Variants in STPG2 observed in about 807,000 individuals in gnomAD.
The protein encoded by STPG2 is sperm-tail PG-rich repeat-containing protein 2.
STPG2 carries 56 observed loss-of-function variants against 54.2 expected under a neutral mutation model. The ratio of observed to expected loss-of-function variants is 1.03; its 90% CI spans 0.83 to 1.29. STPG2 has a LOEUF of 1.29. Ranked by LOEUF, STPG2 falls within the 50% of genes most tolerant of loss-of-function variation. The probability of loss-of-function intolerance (pLI) is 0.00; values close to 1 mark genes in which losing one functional copy is unlikely to be tolerated. For missense variants in STPG2, 596 were observed against 544.9 expected (o/e 1.09, Z -0.93); for synonymous variants, 200 against 181.8 (o/e 1.10, Z -0.81).
intron 4 of STPG2, among the ~76,000 whole-genome samples, chr4:97,512,443 G>A (rs1730992296): frequency 6.6e-6 from 1 of 152,122 alleles, no homozygotes; most frequent in Non-Finnish European, 1.5e-5. Context: ...GAATGCATAT[G>A]TAGCTTGGAA....
intron 9 of STPG2, among the ~76,000 whole-genome samples, chr4:97,825,068 T>C (rs1431784847): frequency 1.3e-5 from 2 of 152,088 alleles, no homozygotes; most frequent in Non-Finnish European, 2.9e-5. Context: ...AAAAGTCAGC[T>C]TAATTGAAAG....
chr4:97,580,793 T>C lies in STPG2; in HGVS notation c.1321-21676A>G, dbSNP rs183159299. On this transcript the variant is annotated intron_variant, in intron 10 of 10. Transcript: ENST00000295268. ...ACAAAATACTTTATTCTCACTAATT[T>C]TTCAGGTATGTTGATGAAGAGTCTG... is the stretch of plus-strand genomic sequence containing the variant. Among the ~76,000 whole-genome samples, 630 of 152,098 alleles carry C rather than the reference T, an allele frequency of 4.1e-3. 3 individuals are homozygous for C. Among genetic ancestry groups the C allele is most frequent in the South Asian group, 0.02 (98 of 4,832 alleles).
At chr4:97,768,583 G>A (rs1578547921) in intron 9 of STPG2, among the ~76,000 whole-genome samples, 1 of 152,184 alleles carries the variant, frequency 6.6e-6, no homozygotes, top group South Asian at 2.1e-4. Context: ...TTCAAAACTG[G>A]CAGTAATAGG....
At position 97,989,343 on chromosome 4, in the gene STPG2, T is replaced by C. The variant is rs151044626; in HGVS notation, c.613-8025A>G. Reference sequence around the variant, plus strand: ...AGATATGCCGTATTCTTCTTCTCCCTATACAGTACTCCTTCCTTATCCAGA... The same window carrying C: ...AGATATGCCGTATTCTTCTTCTCCCCATACAGTACTCCTTCCTTATCCAGA... On this transcript the variant is annotated intron_variant, in intron 5 of 10. Transcript: ENST00000295268. Among the ~76,000 whole-genome samples the C allele has an allele frequency of 3.3e-3, 504 of 152,308 alleles. 1 individual carries two copies. Among genetic ancestry groups the C allele is most frequent in the Non-Finnish European group, 5.8e-3 (395 of 68,018 alleles).
chr4:97,537,121 T>C (rs1031665863), intron 4 of STPG2, among the ~76,000 whole-genome samples: 3 of 152,184 alleles, frequency 2.0e-5, no homozygotes, highest in African/African-American at 7.2e-5. Context: ...GTGTGAGCGA[T>C]GCAGAAGACG....
chr4:97,819,319 G>A (rs1173487398), intron 9 of STPG2, among the ~76,000 whole-genome samples: 1 of 151,850 alleles, frequency 6.6e-6, no homozygotes, highest in Non-Finnish European at 1.5e-5. Context: ...TGAGAAAACA[G>A]AATAAATAAT....
intron 10 of STPG2, among the ~76,000 whole-genome samples, chr4:97,609,866 T>C (rs1247689609): frequency 6.6e-6 from 1 of 151,892 alleles, no homozygotes; most frequent in Non-Finnish European, 1.5e-5. Flanking sequence ...AGTGGGTTTA[T>C]ATTAAAGATC....
At chr4:97,490,971 C>A (rs1349011740) in intron 4 of STPG2, among the ~76,000 whole-genome samples, 1 of 151,506 alleles carries the variant, frequency 6.6e-6, no homozygotes, top group South Asian at 2.1e-4. Flanking sequence ...TCAGCAAATG[C>A]ATTATTTTAT....
chr4:97,784,455 G>C (rs1412958983), intron 9 of STPG2, among the ~76,000 whole-genome samples: 4 of 151,888 alleles, frequency 2.6e-5, no homozygotes, highest in African/African-American at 9.7e-5. Flanking sequence ...GTAATGCTGT[G>C]ATATTGAATA....
intron 5 of STPG2, among the ~76,000 whole-genome samples, chr4:98,104,617 G>C (rs1257338964): frequency 6.6e-6 from 1 of 152,044 alleles, no homozygotes; most frequent in Non-Finnish European, 1.5e-5. Context: ...AATTCTCTTT[G>C]ATACTTCAAA....
At chr4:97,878,334 CCCA>C (rs1730250828) in intron 8 of STPG2, among the ~76,000 whole-genome samples, 2 of 152,178 alleles carry the variant, frequency 1.3e-5, no homozygotes, top group East Asian at 1.9e-4. Flanking sequence ...GGACTCACAC[CCCA>C]CATTTCCCTT....
At chr4:97,738,828 C>A (rs1725116277) in intron 9 of STPG2, among the ~76,000 whole-genome samples, 2 of 151,976 alleles carry the variant, frequency 1.3e-5, no homozygotes, top group Admixed American at 6.6e-5. Context: ...ACAAGGATAC[C>A]CAGGAATTGA....
At chr4:97,678,973 G>T in intron 10 of STPG2, among the ~76,000 whole-genome samples, 1 of 152,068 alleles carries the variant, frequency 6.6e-6, no homozygotes, top group Non-Finnish European at 1.5e-5. Context: ...TTGTATGGCT[G>T]CATTGTATTC....
intron 4 of STPG2, among the ~76,000 whole-genome samples, chr4:97,487,214 G>A (rs1730389363): frequency 6.6e-6 from 1 of 150,538 alleles, no homozygotes; most frequent in Non-Finnish European, 1.5e-5. Context: ...AAAAAACCCA[G>A]ACCAGGAAGA....
intron 10 of STPG2, among the ~76,000 whole-genome samples, chr4:97,581,373 A>G (rs1216858373): frequency 6.6e-6 from 1 of 152,056 alleles, no homozygotes; most frequent in Non-Finnish European, 1.5e-5. Context: ...CCATTAGCCA[A>G]CTAGTTTTAG....
chr4:97,807,382 A>G (rs550847252), intron 9 of STPG2, among the ~76,000 whole-genome samples: 167 of 152,128 alleles, frequency 1.1e-3, no homozygotes, highest in African/African-American at 3.9e-3. Context: ...CCACAACTCT[A>G]TCTAAAAACA....
chr4:98,062,224 C>T (rs1014586137), intron 5 of STPG2, among the ~76,000 whole-genome samples: 4 of 151,558 alleles, frequency 2.6e-5, no homozygotes, highest in Admixed American at 6.6e-5. Flanking sequence ...TGTGTTCTCA[C>T]GTATAAGTGG....
At chr4:97,728,300 A>G (rs1032479626) in intron 9 of STPG2, among the ~76,000 whole-genome samples, 2 of 152,106 alleles carry the variant, frequency 1.3e-5, no homozygotes, top group African/African-American at 2.4e-5. Flanking sequence ...AAATATTGAT[A>G]ACCAAAGAAA....
At chr4:97,852,960 ATATTT>A in intron 8 of STPG2, among the ~76,000 whole-genome samples, 1 of 141,034 alleles carries the variant, frequency 7.1e-6, no homozygotes, top group Non-Finnish European at 1.5e-5. Context: ...ATAAATTAAC[ATATTT>A]TCTTTTTTTT....
Sources: gnomAD v4.1 joint callset for allele counts (sites outside exome capture counted in the v4.1 genomes callset) on GRCh38, gnomAD v4.1.1 for gene constraint, MANE v1.5 for transcripts, NCBI Gene and HGNC (gene_info 2026-07-23, HGNC 2026-07-21) for gene names.